Variants in RBMS2 observed in about 807,000 individuals in gnomAD.
The protein encoded by RBMS2 is RNA-binding motif, single-stranded-interacting protein 2.
A neutral mutation model predicts 58.4 loss-of-function variants in RBMS2; 38 were observed. The ratio of observed to expected loss-of-function variants is 0.65; its 90% CI spans 0.50 to 0.85. The LOEUF is 0.85. RBMS2 is among the 40% of genes least tolerant of loss of function. The pLI is 0.00. For missense variants in RBMS2, 367 were observed against 503.7 expected (o/e 0.73, Z 2.60); for synonymous variants, 151 against 180.7 (o/e 0.84, Z 1.32).
intron 1 of RBMS2, chr12:56,539,567 G>T (rs1875684244): frequency 2.8e-6 from 1 of 360,014 alleles, no homozygotes; most frequent in Admixed American, 3.6e-5. Context: ...TATGATAATA[G>T]TTCCTTTGTT....
chr12:56,560,597 A>G (rs777702981), intron 1 of RBMS2, among the ~76,000 whole-genome samples: 2 of 150,468 alleles, frequency 1.3e-5, no homozygotes, highest in Non-Finnish European at 3.0e-5. Context: ...GTCTTGTTAT[A>G]TTGCCCAGGC....
chr12:56,561,734 C>T, intron 1 of RBMS2, among the ~76,000 whole-genome samples: 1 of 133,250 alleles, frequency 7.5e-6, no homozygotes, highest in African/African-American at 2.8e-5. Context: ...GTCAGCTGGT[C>T]TTGAACTCCT....
Position 56,529,955 on chromosome 12 carries a change from G to GC in RBMS2, c.66+7867dup. 1.3e-5 allele frequency among the ~76,000 whole-genome samples: 2 copies of GC among 152,322 alleles called. 1 individual carries two copies. Among genetic ancestry groups the GC allele is most frequent in the Admixed American group, 1.3e-4 (2 of 15,298 alleles). On this transcript the variant is annotated intron_variant, in intron 1 of 13. Transcript: ENST00000262031. ...GACAGGGTCTCACTCTGTTGCCCAG[G>GC]CTGGAGTGCATTGGCACAATCATAG...
intron 5 of RBMS2, among the ~76,000 whole-genome samples, chr12:56,580,839 C>A (rs1883845832): frequency 6.6e-6 from 1 of 152,142 alleles, no homozygotes; most frequent in Admixed American, 6.5e-5. Context: ...ATTAAAGGAA[C>A]AATTTTCATT....
chr12:56,569,976 G>A lies in RBMS2; in HGVS notation c.370G>A (p.Ala124Thr). 3.1e-6 allele frequency: 5 copies of A among 1,612,204 alleles called. No homozygotes were observed. The highest frequency in any genetic ancestry group is 4.2e-6 in the Non-Finnish European group (5 of 1,178,264). The change falls in exon 4 of 14, where the codon GCA becomes ACA. Residue 124 changes from alanine (A) to threonine (T), a missense_variant. Coordinates refer to ENST00000262031, the MANE Select transcript of RBMS2 (RefSeq NM_002898.4). ...AGCACTGAAGGCCAGCGGTGTACAGGCACAGATGGCAAAGGTAAGGGTACT... is the reference window on the plus strand; with the variant it reads ...AGCACTGAAGGCCAGCGGTGTACAGACACAGATGGCAAAGGTAAGGGTACT... ...VTALKASGVQAQMAKQQEQDP... is the reference protein window; with the variant it reads ...VTALKASGVQTQMAKQQEQDP...
intron 5 of RBMS2, 29 bp downstream of exon 5, chr12:56,571,884 G>A (rs1882350722): frequency 1.3e-6 from 2 of 1,489,558 alleles, no homozygotes; most frequent in East Asian, 4.9e-5. Flanking sequence ...GGGAAATGAT[G>A]AGGTTAATAA....
Position 56,581,869 on chromosome 12 carries a change from C to G in RBMS2, c.769C>G (p.Leu257Val), listed in dbSNP as rs749702342. 2 of 1,614,138 alleles carry G rather than the reference C, an allele frequency of 1.2e-6. No homozygotes were observed. The highest frequency in any genetic ancestry group is 1.7e-6 in the Non-Finnish European group (2 of 1,179,998). ...MALTYDPTTA[L>V]QNGFYPAPYN... ...CTTGACCTATGACCCCACCACAGCTCTTCAGAATGGGTAAGGTTTTATATA... is the reference window on the plus strand; with the variant it reads ...CTTGACCTATGACCCCACCACAGCTGTTCAGAATGGGTAAGGTTTTATATA... The change falls in exon 8 of 14, where the codon CTT becomes GTT. Residue 257 changes from leucine (L) to valine (V), a missense_variant. Physicochemically the swap from Leu to Val is conservative, Grantham distance 32 (BLOSUM62 1). Coordinates refer to ENST00000262031, the MANE Select transcript of RBMS2 (RefSeq NM_002898.4).
chr12:56,561,253 T>C (rs539191259), intron 1 of RBMS2, among the ~76,000 whole-genome samples: 1 of 152,158 alleles, frequency 6.6e-6, no homozygotes, highest in East Asian at 1.9e-4. Flanking sequence ...TATGATAGAA[T>C]GATTTCTATT....
At chr12:56,536,530 TTTCTCTC>T (rs1874873784) in intron 1 of RBMS2, among the ~76,000 whole-genome samples, 1 of 143,278 alleles carries the variant, frequency 7.0e-6, no homozygotes, top group African/African-American at 2.7e-5. Flanking sequence ...CCTTCTTTCT[TTTCTCTC>T]TTTCTCTCCT....
intron 2 of RBMS2, among the ~76,000 whole-genome samples, chr12:56,567,456 A>C (rs922293688): frequency 3.3e-5 from 5 of 151,742 alleles, no homozygotes; most frequent in Non-Finnish European, 7.4e-5. Flanking sequence ...AGAAGAAGAA[A>C]GAAGAAGAAG....
rs1885322227 is a variant in RBMS2, at chr12:56,591,775, T to TC, written c.*2642_*2643insC. 1 of 152,114 alleles carries TC rather than the reference T, an allele frequency of 6.6e-6. No individual in the cohort carries two copies. The highest frequency in any genetic ancestry group is 1.5e-5 in the Non-Finnish European group (1 of 68,024). The allele number at this position is 152,114 out of a possible 1,614,324, so 9.4% of individuals were successfully genotyped here. A position where few individuals can be genotyped will look rare whatever the true frequency, so the allele number is the denominator to read the frequency against. ...CCTGATTCTGTCTTCTTTCTCTCTC[T>TC]ATATATATATTTTAAAATGTTTAAA... On this transcript the variant is annotated 3_prime_UTR_variant, in exon 14 of 14. Transcript: ENST00000262031.
chr12:56,582,293 A>G (rs572377714), intron 9 of RBMS2, 141 bp downstream of exon 9: 2 of 732,530 alleles, frequency 2.7e-6, no homozygotes, highest in South Asian at 4.3e-5. Context: ...AGCGTAAAAG[A>G]TGATCTGTGC....
chr12:56,527,012 T>C (rs1872766508), intron 1 of RBMS2, among the ~76,000 whole-genome samples: 1 of 152,120 alleles, frequency 6.6e-6, no homozygotes, highest in Non-Finnish European at 1.5e-5. Context: ...TGAAGACTGA[T>C]GGGGAGTAGG....
intron 5 of RBMS2, among the ~76,000 whole-genome samples, chr12:56,573,576 G>C (rs539375189): frequency 6.6e-6 from 1 of 151,520 alleles, no homozygotes; most frequent in South Asian, 2.1e-4. Context: ...TGGCAATCCC[G>C]TGTATATCTA....
In RBMS2 at chr12:56,528,206, T is replaced by A. The variant is rs1354489072; in HGVS notation, c.66+6117T>A. On this transcript the variant is annotated intron_variant, in intron 1 of 13. Coordinates refer to ENST00000262031, the MANE Select transcript of RBMS2 (RefSeq NM_002898.4). Reference sequence around the variant, plus strand: ...TCGAGGCTACAGTGAGCCATGATCATGCCACTGCATTGCAGCCTGGGCAAC... The same window carrying A: ...TCGAGGCTACAGTGAGCCATGATCAAGCCACTGCATTGCAGCCTGGGCAAC... 3.3e-5 allele frequency among the ~76,000 whole-genome samples: 5 copies of A among 150,198 alleles called. No homozygotes were observed. The East Asian group carries it at 9.8e-4, about 29-fold the overall frequency.
intron 1 of RBMS2, among the ~76,000 whole-genome samples, chr12:56,538,022 TTTTATTTA>T (rs35430429): frequency 3.3e-5 from 5 of 149,876 alleles, no homozygotes; most frequent in Admixed American, 6.7e-5. Context: ...GCTTATTTTA[TTTTATTTA>T]TTTATTTATT....
chr12:56,544,015 C>T (rs575129910), intron 1 of RBMS2, among the ~76,000 whole-genome samples: 2 of 152,008 alleles, frequency 1.3e-5, no homozygotes, highest in Admixed American at 6.6e-5. Flanking sequence ...TGGTGGCTCA[C>T]GCCTCTAATC....
intron 2 of RBMS2, among the ~76,000 whole-genome samples, chr12:56,563,857 A>G (rs1880871072): frequency 6.6e-6 from 1 of 152,144 alleles, no homozygotes; most frequent in Admixed American, 6.6e-5. Context: ...AAGGTATGTA[A>G]GTGGAATTAA....
At position 56,582,071 on chromosome 12, in the gene RBMS2, C is replaced by T. The variant is rs761630985; in HGVS notation, c.792C>T (p.Ala264=). 22 of 1,608,894 alleles carry T rather than the reference C, an allele frequency of 1.4e-5. No homozygotes were observed. Among genetic ancestry groups the T allele is most frequent in the Non-Finnish European group, 1.9e-5 (22 of 1,177,420 alleles). ...TTCCTTCCCACAGGTTTTACCCAGC[C>T]CCCTATAACATCACCCCCAACAGGA... is the stretch of plus-strand genomic sequence containing the variant. The part of the protein sequence containing the change: ...TTALQNGFYP[A]PYNITPNRML... The change falls in exon 9 of 14, where the codon GCC becomes GCT. Residue 264 remains alanine, a synonymous_variant. Coordinates refer to ENST00000262031, the MANE Select transcript of RBMS2 (RefSeq NM_002898.4).
Sources: allele counts gnomAD v4.1 joint callset (sites outside exome capture counted in the v4.1 genomes callset), GRCh38; gene constraint gnomAD v4.1.1; transcripts MANE v1.5; gene names NCBI Gene and HGNC (gene_info 2026-07-23, HGNC 2026-07-21).